TG: variants seen among roughly 807,000 people sequenced by gnomAD.
TG encodes thyroglobulin, also known as thyroid hormones.
In TG, 270 loss-of-function variants were observed where a neutral mutation model predicts 324.7. That is an observed-to-expected ratio of 0.83 (90% confidence interval 0.75 to 0.92). TG has a LOEUF of 0.92. Among genes scored for constraint, TG ranks in the 40% least tolerant of loss-of-function variants. The pLI, the probability that TG is intolerant of heterozygous loss-of-function variation, is 0.00. For synonymous variants in TG, 1,401 were observed against 1,327.0 expected, an observed-to-expected ratio of 1.06 and a Z score of -1.21; for missense variants, 3,591 against 3,456.4, an observed-to-expected ratio of 1.04 and a Z score of -0.98.
intron 41 of TG, chr8:133,045,207 C>G: frequency 1.5e-6 from 2 of 1,358,412 alleles, no homozygotes; most frequent in Non-Finnish European, 2.1e-6. Flanking sequence ...GGCAGGGAGA[C>G]CTGCCCACCC....
At position 132,886,570 on chromosome 8, in the gene TG, A is replaced by G; in HGVS notation, c.1198A>G (p.Arg400Gly). The change falls in exon 9 of 48, where the codon AGA (arginine) becomes GGA (glycine). Residue 400 changes from arginine (R) to glycine (G), a missense_variant. By Grantham distance (125) the Arg-to-Gly change is moderately radical. Coordinates refer to ENST00000220616, the MANE Select transcript of TG (RefSeq NM_003235.5). ...SSPEKRWASP[R>G]VARFATSCPP... ...CCCAGAGAAAAGATGGGCCTCTCCA[A>G]GAGTAGCCAGATTTGCCACATCCTG... The G allele has an allele frequency of 6.2e-7, 1 of 1,614,198 alleles. No homozygotes were observed. The highest frequency in any genetic ancestry group is 8.5e-7 in the Non-Finnish European group (1 of 1,180,044).
intron 41 of TG, among the ~76,000 whole-genome samples, chr8:133,036,187 G>C (rs1185794600): frequency 1.3e-5 from 2 of 152,176 alleles, no homozygotes; most frequent in Non-Finnish European, 2.9e-5. Context: ...TCTGCTTGGA[G>C]GCCTTTCCTA....
At chr8:132,903,663 C>G (rs535472039) in intron 16 of TG, among the ~76,000 whole-genome samples, 2 of 152,186 alleles carry the variant, frequency 1.3e-5, no homozygotes, top group Non-Finnish European at 2.9e-5. Flanking sequence ...TGGCCATGCT[C>G]AGTGCACCAG....
intron 35 of TG, among the ~76,000 whole-genome samples, chr8:133,000,404 A>G (rs1452686658): frequency 6.6e-6 from 1 of 152,242 alleles, no homozygotes; most frequent in Non-Finnish European, 1.5e-5. Flanking sequence ...GCTCTGCTTT[A>G]CGGTTCAGGT....
At chr8:133,119,761 G>A (rs1304012115) in intron 45 of TG, among the ~76,000 whole-genome samples, 4 of 152,106 alleles carry the variant, frequency 2.6e-5, no homozygotes, top group Admixed American at 6.5e-5. Context: ...TGATTCCCTC[G>A]AGGACAAGCA....
At position 132,961,128 on chromosome 8, in the gene TG, C is replaced by G. The variant is rs373492633; in HGVS notation, c.5467+55C>G. On this transcript the variant is annotated intron_variant, in intron 28 of 47. Coordinates refer to ENST00000220616, the MANE Select transcript of TG (RefSeq NM_003235.5). The stretch of plus-strand genomic sequence containing the variant: ...CAGGACGCTGATTACATGAGATTGT[C>G]TGGCACCACCTCTCATTCACAGGGC... 5 of 1,544,740 alleles carry G rather than the reference C, an allele frequency of 3.2e-6. No individual in the cohort carries two copies. In the African/African-American group the frequency reaches 6.8e-5, roughly 21 times the overall value.
intron 41 of TG, among the ~76,000 whole-genome samples, chr8:133,071,168 G>T (rs6471111): frequency 0.19 from 29,657 of 152,178 alleles, 3,187 homozygotes; most frequent in Non-Finnish European, 0.24. Flanking sequence ...GCACCAGTGC[G>T]TATTGAGGAA....
chr8:133,112,910 C>T (rs555907579), intron 43 of TG, among the ~76,000 whole-genome samples: 26 of 152,290 alleles, frequency 1.7e-4, no homozygotes, highest in Non-Finnish European at 3.5e-4. Context: ...GCCTGGGGCA[C>T]TGCTGGCCCT....
At chr8:133,078,566 C>G (rs532589698) in intron 41 of TG, among the ~76,000 whole-genome samples, 5 of 152,312 alleles carry the variant, frequency 3.3e-5, no homozygotes, top group South Asian at 2.1e-4. Context: ...ATTTTGTGCT[C>G]CATACATTCA....
intron 41 of TG, among the ~76,000 whole-genome samples, chr8:133,051,259 G>A (rs1840354984): frequency 6.6e-6 from 1 of 152,178 alleles, no homozygotes; most frequent in Non-Finnish European, 1.5e-5. Context: ...TCTTTAAAAT[G>A]GGACTAATAC....
Position 133,048,046 on chromosome 8 carries a change from A to C in TG, c.7239+18023A>C. 3 of 616,048 alleles carry C rather than the reference A, an allele frequency of 4.9e-6. No individual in the cohort carries two copies. In the Admixed American group the frequency reaches 8.6e-5, roughly 18 times the overall value. The allele number at this position is 616,048 out of a possible 1,614,324, so 38.2% of individuals were successfully genotyped here. On this transcript the variant is annotated intron_variant, in intron 41 of 47. Coordinates refer to ENST00000220616, the MANE Select transcript of TG (RefSeq NM_003235.5). ...TGAAACCTAATCCTCACCTCAACCCACTGAGACAGGAAGCATCATCTCTCT... is the reference window on the plus strand; with the variant it reads ...TGAAACCTAATCCTCACCTCAACCCCCTGAGACAGGAAGCATCATCTCTCT...
intron 41 of TG, among the ~76,000 whole-genome samples, chr8:133,057,623 C>T (rs1841684523): frequency 1.3e-5 from 2 of 152,164 alleles, no homozygotes; most frequent in African/African-American, 4.8e-5. Context: ...TTCCACGGAA[C>T]ATTACTGGAA....
rs1821397350 is a variant in TG, at chr8:132,923,522, G to T, written c.4699+14G>T. 1 of 1,611,296 alleles carries T rather than the reference G, an allele frequency of 6.2e-7. No homozygotes were observed. The highest frequency in any genetic ancestry group is 8.5e-7 in the Non-Finnish European group (1 of 1,177,752). On this transcript the variant is annotated intron_variant, in intron 22 of 47. Transcript: ENST00000220616. The stretch of plus-strand genomic sequence containing the variant: ...CACAGTGTTTGAGTAGGTGCTGGGG[G>T]TGAAATCAGTCATGGTTCCTGGGGA...
chr8:133,029,816 T>C lies in TG; in HGVS notation c.7037-5T>C. Reference sequence around the variant, plus strand: ...AAGGATAAAAGGCTTTCCTCTTTTCTGAAGGGTCCGGAGAGGTGAGTGGCA... The same window carrying C: ...AAGGATAAAAGGCTTTCCTCTTTTCCGAAGGGTCCGGAGAGGTGAGTGGCA... On this transcript the variant is annotated splice_region_variant and splice_polypyrimidine_tract_variant and intron_variant, in intron 40 of 47. Transcript: ENST00000220616. 6.2e-7 allele frequency: 1 copy of C among 1,614,082 alleles called. No individual in the cohort carries two copies. The highest frequency in any genetic ancestry group is 2.2e-5 in the East Asian group (1 of 44,890).
At position 133,011,938 on chromosome 8, in the gene TG, A is replaced by G. The variant is rs1164638579; in HGVS notation, c.6300A>G (p.Ser2100=). The G allele has an allele frequency of 6.2e-7, 1 of 1,613,946 alleles. No individual in the cohort carries two copies. Among genetic ancestry groups the G allele is most frequent in the African/African-American group, 1.3e-5 (1 of 74,856 alleles). The change falls in exon 36 of 48, where the codon TCA becomes TCG. Residue 2100 remains serine (S), a synonymous_variant. Transcript: ENST00000220616. The stretch of plus-strand genomic sequence containing the variant: ...CGTGGCAGTCCCTGGCCCTCTCTTC[A>G]GTGGTTGTTGATCCATCCATTAGGC... ...LDSWQSLALS[S]VVVDPSIRHF... is the part of the protein sequence containing the mutation.
intron 41 of TG, among the ~76,000 whole-genome samples, chr8:133,039,171 G>A (rs576761799): frequency 1.1e-4 from 17 of 152,252 alleles, no homozygotes; most frequent in African/African-American, 2.2e-4. Flanking sequence ...GAGCCACCGC[G>A]CCTGGCCCTA....
chr8:133,065,619 G>A lies in TG; in HGVS notation c.7240-29425G>A, dbSNP rs777604628. Among the ~76,000 whole-genome samples the A allele has an allele frequency of 4.0e-5, 6 of 151,886 alleles. No individual in the cohort carries two copies. The South Asian group carries it at 1.2e-3, about 32-fold the overall frequency. ...TCTACTAAAAATACAAAAATTAGCC[G>A]GACATGTTGGCACATGCCTGTAATC... On this transcript the variant is annotated intron_variant, in intron 41 of 47. Coordinates refer to ENST00000220616, the MANE Select transcript of TG (RefSeq NM_003235.5).
At chr8:133,053,215 G>A (rs1378402182) in intron 41 of TG, among the ~76,000 whole-genome samples, 1 of 152,074 alleles carries the variant, frequency 6.6e-6, no homozygotes, top group Non-Finnish European at 1.5e-5. Context: ...CTTCCTCTTG[G>A]CCCCTAAGAT....
intron 27 of TG, among the ~76,000 whole-genome samples, chr8:132,953,651 T>C (rs1292514285): frequency 1.3e-5 from 2 of 152,206 alleles, no homozygotes; most frequent in Non-Finnish European, 2.9e-5. Context: ...TATTTTTATC[T>C]AATTTGGAGA....
Sources: gnomAD v4.1 joint callset for allele counts (sites outside exome capture counted in the v4.1 genomes callset) on GRCh38, gnomAD v4.1.1 for gene constraint, MANE v1.5 for transcripts, NCBI Gene and HGNC (gene_info 2026-07-23, HGNC 2026-07-21) for gene names.